CELF2: variants seen among roughly 807,000 people sequenced by gnomAD.
The protein encoded by CELF2 is CUGBP Elav-like family member 2.
CELF2 carries 8 observed loss-of-function variants against 62.6 expected under a neutral mutation model. The observed-to-expected ratio is 0.13, with a 90% CI of 0.07 to 0.23. The LOEUF is 0.23. CELF2 is among the 10% of genes least tolerant of loss of function. CELF2 has a pLI of 1.00. For missense variants in CELF2, 333 were observed against 671.0 expected (o/e 0.50, Z 5.56); for synonymous variants, 258 against 250.0 (o/e 1.03, Z -0.30).
chr10:10,824,448 ACT>A (rs913635355), intron 1 of CELF2, among the ~76,000 whole-genome samples: 23 of 152,256 alleles, frequency 1.5e-4, no homozygotes, highest in Admixed American at 1.5e-3. Flanking sequence ...TTCAACCAAG[ACT>A]CTGCAGAGAA....
Position 11,321,411 on chromosome 10 carries a change from C to T in CELF2, c.1294+25C>T. On this transcript the variant is annotated intron_variant, in intron 11 of 12. Transcript: ENST00000633077. This position sits in a 1 kb window ranked among gnomAD's most constrained non-coding sequence, Gnocchi z 6.2. Reference sequence around the variant, plus strand: ...GGTAGGTGCCGCCCTTGGCCCCAGGCAGGGCCCAGCCCAACAGGCAGCACT... The same window carrying T: ...GGTAGGTGCCGCCCTTGGCCCCAGGTAGGGCCCAGCCCAACAGGCAGCACT... The T allele has an allele frequency of 6.3e-7, 1 of 1,592,470 alleles. No homozygotes were observed. The highest frequency in any genetic ancestry group is 2.2e-5 in the East Asian group (1 of 44,760).
rs2064840007 is a variant in CELF2, at chr10:11,157,797, A to G, written c.75-7689A>G. On this transcript the variant is annotated intron_variant, in intron 1 of 12. Transcript: ENST00000633077. The surrounding 1 kb of genome is among the most constrained non-coding windows in gnomAD (Gnocchi z 4.9). ...CCACCCAGGCTTCTGAAGTGTGTAGAGAGGGTTGTGAATCCGCACTGACCG... is the reference window on the plus strand; with the variant it reads ...CCACCCAGGCTTCTGAAGTGTGTAGGGAGGGTTGTGAATCCGCACTGACCG... Among the ~76,000 whole-genome samples the G allele has an allele frequency of 6.6e-6, 1 of 152,240 alleles. No homozygotes were observed. The highest frequency in any genetic ancestry group is 1.5e-5 in the Non-Finnish European group (1 of 68,038).
chr10:11,146,054 G>C (rs1442259111), intron 1 of CELF2, among the ~76,000 whole-genome samples: 1 of 152,164 alleles, frequency 6.6e-6, no homozygotes, highest in African/African-American at 2.4e-5. Flanking sequence ...CTTTGTGCTT[G>C]TTCTGTTGCT....
rs564706422 is a variant in CELF2 at position 11,324,022 on chromosome 10, T to C, written c.1295-1814T>C. ...TTGGGGGATCTATGTCAAGAGATGG[T>C]GCTGACATTTTTTTCTTGGGAATAT... On this transcript the variant is annotated intron_variant, in intron 11 of 12. Transcript: ENST00000633077. The surrounding 1 kb of genome is among the most constrained non-coding windows in gnomAD (Gnocchi z 4.7). Among the ~76,000 whole-genome samples, 14 of 152,020 alleles carry C rather than the reference T, an allele frequency of 9.2e-5. No individual in the cohort carries two copies. The highest frequency in any genetic ancestry group is 1.8e-4 in the Non-Finnish European group (12 of 68,010).
intron 1 of CELF2, among the ~76,000 whole-genome samples, chr10:10,871,005 A>G (rs956334412): frequency 4.3e-4 from 65 of 151,814 alleles, no homozygotes; most frequent in African/African-American, 1.5e-3. Context: ...GAGAAGAGCA[A>G]CTCCCTGCTG....
chr10:10,541,650 T>C, the CELF2 span, among the ~76,000 whole-genome samples: 1 of 152,218 alleles, frequency 6.6e-6, no homozygotes, highest in Non-Finnish European at 1.5e-5. Context: ...ATGGTGCTGA[T>C]GGGAGTGTCT....
intron 2 of CELF2, among the ~76,000 whole-genome samples, chr10:11,196,752 TCAAGAC>T (rs2134859203): frequency 6.6e-6 from 1 of 151,462 alleles, no homozygotes; most frequent in African/African-American, 2.4e-5. Context: ...GGTCAGGAGT[TCAAGAC>T]CAGCCAGACC....
chr10:11,231,044 A>C (rs2068463726), intron 3 of CELF2, among the ~76,000 whole-genome samples: 1 of 152,194 alleles, frequency 6.6e-6, no homozygotes, highest in South Asian at 2.1e-4. Context: ...GCTAGAGTGG[A>C]ATATACTATT....
chr10:11,084,108 G>A (rs921911129), intron 1 of CELF2, among the ~76,000 whole-genome samples: 1 of 152,220 alleles, frequency 6.6e-6, no homozygotes, highest in Non-Finnish European at 1.5e-5. Flanking sequence ...CTGTCGCTTG[G>A]AAGATTCATT....
chr10:11,045,712 C>T lies in CELF2; in HGVS notation c.74+27549C>T, dbSNP rs140969513. On this transcript the variant is annotated intron_variant, in intron 1 of 12. Transcript: ENST00000633077. ...CAATAAAATGCAAATGTATGACCTC[C>T]GCTTCTTTCCCCAGAGCTGTACATC... Among the ~76,000 whole-genome samples, 250 of 152,220 alleles carry T rather than the reference C, an allele frequency of 1.6e-3. 2 individuals are homozygous for T. Among genetic ancestry groups the T allele is most frequent in the East Asian group, 6.2e-3 (32 of 5,184 alleles).
At chr10:10,828,941 A>C (rs2057628414) in intron 1 of CELF2, among the ~76,000 whole-genome samples, 1 of 152,244 alleles carries the variant, frequency 6.6e-6, no homozygotes, top group Non-Finnish European at 1.5e-5. Context: ...CTTGCTGCAA[A>C]TTGACCTTCC....
At chr10:11,168,662 C>T (rs1430051048) in intron 2 of CELF2, among the ~76,000 whole-genome samples, 3 of 152,158 alleles carry the variant, frequency 2.0e-5, no homozygotes, top group Admixed American at 2.0e-4. Context: ...TGATTCATTG[C>T]CTTACCCGTG....
chr10:10,488,526 A>G, the CELF2 span, among the ~76,000 whole-genome samples: 1 of 152,146 alleles, frequency 6.6e-6, no homozygotes, highest in South Asian at 2.1e-4. Context: ...TAAGCTACAA[A>G]AACACTTCAT....
the CELF2 span, among the ~76,000 whole-genome samples, chr10:10,588,290 G>C: frequency 6.6e-6 from 1 of 152,096 alleles, no homozygotes; most frequent in Non-Finnish European, 1.5e-5. Flanking sequence ...TCAACCTTGA[G>C]GAAGACTATT....
At chr10:10,701,150 C>G in the CELF2 span, among the ~76,000 whole-genome samples, 5 of 152,182 alleles carry the variant, frequency 3.3e-5, no homozygotes, top group African/African-American at 1.2e-4. Flanking sequence ...GAAGGCCCAG[C>G]CAGAGAAAAT....
intron 8 of CELF2, among the ~76,000 whole-genome samples, chr10:11,277,394 C>G (rs914252345): frequency 6.6e-6 from 1 of 152,192 alleles, no homozygotes; most frequent in Non-Finnish European, 1.5e-5. Context: ...CCCGAATTCC[C>G]CAGAGCCCTT....
intron 2 of CELF2, among the ~76,000 whole-genome samples, chr10:10,959,121 C>A (rs955772346): frequency 2.6e-5 from 4 of 152,026 alleles, no homozygotes; most frequent in Non-Finnish European, 5.9e-5. Flanking sequence ...AGCCTAGCGT[C>A]GTGGTAGCTA....
At chr10:10,745,115 A>AT in the CELF2 span, among the ~76,000 whole-genome samples, 1 of 71,668 alleles carries the variant, frequency 1.4e-5, no homozygotes, top group African/African-American at 4.5e-5. Context: ...ATGCCACGTA[A>AT]AAAAAAAAAA....
At chr10:10,958,579 T>A (rs2049145195) in intron 2 of CELF2, among the ~76,000 whole-genome samples, 1 of 152,190 alleles carries the variant, frequency 6.6e-6, no homozygotes, top group Non-Finnish European at 1.5e-5. Context: ...CAAAGATGGC[T>A]GGGCATGGTG....
Sources: gnomAD v4.1 joint callset for allele counts (sites outside exome capture counted in the v4.1 genomes callset) on GRCh38, gnomAD v4.1.1 for gene constraint, Gnocchi (gnomAD v3.1) non-coding constraint, MANE v1.5 for transcripts, NCBI Gene and HGNC (gene_info 2026-07-23, HGNC 2026-07-21) for gene names.